DPY30: variants seen among roughly 807,000 people sequenced by gnomAD.
DPY30 encodes dpy-30 histone methyltransferase complex regulatory subunit.
A neutral mutation model predicts 16.2 loss-of-function variants in DPY30; 6 were observed. The ratio of observed to expected loss-of-function variants is 0.37; its 90% CI spans 0.20 to 0.73. The LOEUF (loss-of-function observed/expected upper bound fraction) is 0.73. Ranked by LOEUF, DPY30 falls within the 30% of genes least tolerant of loss-of-function variation. The pLI is 0.51. For missense variants in DPY30, 73 were observed against 113.1 expected (o/e 0.65, Z 1.61); for synonymous variants, 39 against 38.8 (o/e 1.00, Z -0.02).
chr2:32,039,557 T>C, intron 1 of DPY30, 65 bp from the exon 2 acceptor site: 3 of 1,540,526 alleles, frequency 1.9e-6, no homozygotes, highest in Non-Finnish European at 1.8e-6. Flanking sequence ...CAGGATGGAG[T>C]GCAGCCCAGC....
At chr2:32,014,610 C>T (rs912821346) in intron 5 of DPY30, among the ~76,000 whole-genome samples, 2 of 151,854 alleles carry the variant, frequency 1.3e-5, no homozygotes, top group Middle Eastern at 3.2e-3. Context: ...CAGCCTCCCG[C>T]GTAGCTGGGA....
intron 5 of DPY30, among the ~76,000 whole-genome samples, chr2:32,017,750 T>A (rs560713761): frequency 6.6e-6 from 1 of 152,342 alleles, no homozygotes; most frequent in East Asian, 1.9e-4. Context: ...ATTACGTAAT[T>A]TAATTAAACA....
intron 5 of DPY30, among the ~76,000 whole-genome samples, chr2:32,014,485 CTTT>C (rs34360226): frequency 1.4e-5 from 2 of 141,084 alleles, no homozygotes. Flanking sequence ...GAGATCCCAT[CTTT>C]TTTTTTTTTT....
intron 3 of DPY30, among the ~76,000 whole-genome samples, chr2:32,031,182 G>A (rs995818301): frequency 6.6e-5 from 10 of 150,568 alleles, no homozygotes; most frequent in Admixed American, 2.6e-4. Flanking sequence ...CAGCACTTTC[G>A]GAGGCCAAGG....
At position 32,024,160 on chromosome 2, in the gene DPY30, AAT is replaced by A; in HGVS notation, c.*22_*23del. 1 of 1,606,350 alleles carries A rather than the reference AAT, an allele frequency of 6.2e-7. No homozygotes were observed. Among genetic ancestry groups the A allele is most frequent in the Non-Finnish European group, 8.5e-7 (1 of 1,176,146 alleles). On this transcript the variant is annotated 3_prime_UTR_variant, in exon 5 of 5. Transcript: ENST00000342166. ...TCATGTAAATCTACAGTAGCAACTAAATTTTTCTGTTCTTCCCATTAAGTCAG... is the reference window on the plus strand; with the variant it reads ...TCATGTAAATCTACAGTAGCAACTAATTTTCTGTTCTTCCCATTAAGTCAG...
chr2:32,019,025 C>T (rs1675114502), downstream of DPY30, among the ~76,000 whole-genome samples: 1 of 151,964 alleles, frequency 6.6e-6, no homozygotes, highest in African/African-American at 2.4e-5. Context: ...GACTCTATCT[C>T]AAAAACAAAC....
At chr2:32,015,765 G>A (rs534218669) in intron 5 of DPY30, among the ~76,000 whole-genome samples, 2 of 151,540 alleles carry the variant, frequency 1.3e-5, no homozygotes, top group South Asian at 4.2e-4. Context: ...TGAGGCAGGA[G>A]GATTGCTTGA....
In DPY30 at chr2:32,035,637, A is replaced by G. The variant is rs534275314; in HGVS notation, c.84+3642T>C. The stretch of plus-strand genomic sequence containing the variant: ...AATATATTCTATAAGTTCACAATAG[A>G]AAAAAGCATAAGTAGGCCAGGTGCA... On this transcript the variant is annotated intron_variant, in intron 3 of 4. Transcript: ENST00000342166. Among the ~76,000 whole-genome samples the G allele has an allele frequency of 2.7e-5, 4 of 150,634 alleles. No homozygotes were observed. In the East Asian group the frequency reaches 7.9e-4, roughly 30 times the overall value.
intron 4 of DPY30, among the ~76,000 whole-genome samples, chr2:32,029,136 G>T (rs1395442405): frequency 6.6e-6 from 1 of 152,052 alleles, no homozygotes; most frequent in Non-Finnish European, 1.5e-5. Flanking sequence ...GCCGGGCGTA[G>T]TGGCCCACGC....
intron 1 of DPY30, 33 bp from the exon 2 acceptor site, chr2:32,039,525 G>A: frequency 6.2e-7 from 1 of 1,609,612 alleles, no homozygotes; most frequent in Non-Finnish European, 8.5e-7. Flanking sequence ...GAGTTACCTG[G>A]GAGATTTCAA....
chr2:32,014,307 A>AC (rs986196929), intron 5 of DPY30, among the ~76,000 whole-genome samples: 1 of 152,196 alleles, frequency 6.6e-6, no homozygotes, highest in African/African-American at 2.4e-5. Context: ...ACATAGCAAG[A>AC]CAAAAAAAAG....
At chr2:32,028,538 C>A (rs777204192) in intron 4 of DPY30, among the ~76,000 whole-genome samples, 9 of 152,154 alleles carry the variant, frequency 5.9e-5, no homozygotes, top group Non-Finnish European at 1.0e-4. Flanking sequence ...CTCAGTGGCT[C>A]ACGCCTATAA....
intron 3 of DPY30, among the ~76,000 whole-genome samples, chr2:32,030,438 G>A (rs1249012975): frequency 6.6e-6 from 1 of 152,002 alleles, no homozygotes; most frequent in East Asian, 1.9e-4. Context: ...AGACCATCCT[G>A]GCTAACACAG....
intron 4 of DPY30, among the ~76,000 whole-genome samples, chr2:32,026,804 G>A (rs182892391): frequency 1.3e-5 from 2 of 151,068 alleles, no homozygotes; most frequent in East Asian, 1.9e-4. Flanking sequence ...GCAAAACTCC[G>A]TCTCAAAAAA....
At chr2:32,031,705 C>T (rs1170964643) in intron 3 of DPY30, among the ~76,000 whole-genome samples, 1 of 151,956 alleles carries the variant, frequency 6.6e-6, no homozygotes, top group African/African-American at 2.4e-5. Context: ...CCAGCCTGAC[C>T]AACATGGTGG....
chr2:32,018,181 TA>T (rs375876522), intron 5 of DPY30, among the ~76,000 whole-genome samples: 2 of 151,198 alleles, frequency 1.3e-5, no homozygotes, highest in Admixed American at 6.6e-5. Context: ...AAGACTCAAT[TA>T]AAAAAAAACT....
chr2:32,028,787 A>G (rs1257840780), intron 4 of DPY30, among the ~76,000 whole-genome samples: 1 of 151,360 alleles, frequency 6.6e-6, no homozygotes, highest in Non-Finnish European at 1.5e-5. Context: ...GAGACTCCAA[A>G]CCCTGTTTCT....
At position 32,013,555 on chromosome 2, in the gene DPY30, A is replaced by C. The variant is rs572858333; in HGVS notation, n.378-1503T>G. On this transcript the variant is annotated intron_variant and non_coding_transcript_variant, in intron 5 of 5. Transcript: ENST00000414013. ...GCAAAATACTTTGTATTTTAGGAGA[A>C]GCTTATCTGGCAATACTGTACAATT... is the stretch of plus-strand genomic sequence containing the variant. 7.2e-5 allele frequency among the ~76,000 whole-genome samples: 11 copies of C among 152,348 alleles called. No individual in the cohort carries two copies. The South Asian group carries it at 2.3e-3, about 32-fold the overall frequency.
intron 5 of DPY30, among the ~76,000 whole-genome samples, chr2:32,012,410 CTCT>C (rs1415251158): frequency 7.0e-6 from 1 of 143,300 alleles, no homozygotes; most frequent in South Asian, 2.2e-4. Flanking sequence ...CAAAACCTCT[CTCT>C]TTTTTCTTTT....
Sources: gnomAD v4.1 joint callset for allele counts (sites outside exome capture counted in the v4.1 genomes callset) on GRCh38, gnomAD v4.1.1 for gene constraint, MANE v1.5 for transcripts, NCBI Gene and HGNC (gene_info 2026-07-23, HGNC 2026-07-21) for gene names.